NOS3: variants seen among roughly 807,000 people sequenced by gnomAD.
NOS3 encodes NOS type III.
NOS3 carries 98 observed loss-of-function variants against 144.9 expected under a neutral mutation model. The observed-to-expected ratio is 0.68, with a 90% CI of 0.57 to 0.80. NOS3 has a LOEUF of 0.80. Ranked by LOEUF, NOS3 falls within the 30% of genes least tolerant of loss-of-function variation. NOS3 has a pLI of 0.00. For missense variants in NOS3, 1,465 were observed against 1,656.4 expected (o/e 0.88, Z 2.01); for synonymous variants, 714 against 702.4 (o/e 1.02, Z -0.26).
At chr7:151,012,214 T>G (rs1584913599) in intron 23 of NOS3, 137 bp from the exon 24 acceptor site, 164 of 596,464 alleles carry the variant, frequency 2.7e-4, no homozygotes, top group Middle Eastern at 1.1e-3. Flanking sequence ...TAGAGTTGTT[T>G]TTTGTTTTTT....
rs761520214 is a variant in NOS3, at chr7:151,002,159, G to T, written c.1648-41G>T. The T allele has an allele frequency of 2.1e-6, 3 of 1,455,228 alleles. No homozygotes were observed. The highest frequency in any genetic ancestry group is 2.8e-5 in the African/African-American group (2 of 71,750). The allele number at this position is 1,455,228 out of a possible 1,614,324, so 90.1% of individuals were successfully genotyped here. On this transcript the variant is annotated intron_variant, in intron 13 of 26. Transcript: ENST00000297494. This position sits in a 1 kb window ranked among gnomAD's most constrained non-coding sequence, Gnocchi z 4.1. Reference sequence around the variant, plus strand: ...CCAGAGTGAGGAGGGCAGGGCCTCCGGGGGCCACAGCACCCAGGACATCTG... The same window carrying T: ...CCAGAGTGAGGAGGGCAGGGCCTCCTGGGGCCACAGCACCCAGGACATCTG...
chr7:151,009,310 C>T, intron 19 of NOS3, 43 bp downstream of exon 19: 1 of 1,474,580 alleles, frequency 6.8e-7, no homozygotes, highest in Non-Finnish European at 9.4e-7. Context: ...CTGTCCTGAA[C>T]ACCCTGACCC....
At position 150,996,453 on chromosome 7, in the gene NOS3, G is replaced by A. The variant is rs750409788; in HGVS notation, c.320G>A (p.Arg107Gln). Reference protein sequence around the residue: ...RRCLGSLVFPRKLQGRPSPGP... With the variant: ...RRCLGSLVFPQKLQGRPSPGP... ...TGCCTGGGCTCCCTGGTATTTCCAC[G>A]GAAACTACAGGGCCGGCCCTCCCCC... is the stretch of plus-strand genomic sequence containing the variant. Residue 107 changes from arginine to glutamine, a missense_variant, in exon 4 of 27, where the codon CGG becomes CAG. Around this residue, in one of 5 missense-constraint regions of NOS3, gnomAD observed 374 missense variants for 377.0 expected, o/e 0.99. Transcript: ENST00000297494. 1.7e-5 allele frequency: 26 copies of A among 1,570,622 alleles called. 1 individual carries two copies. Among genetic ancestry groups the A allele is most frequent in the East Asian group, 1.4e-4 (6 of 42,882 alleles).
intron 24 of NOS3, 136 bp downstream of exon 24, chr7:151,012,608 C>G: frequency 9.1e-7 from 1 of 1,095,158 alleles, no homozygotes; most frequent in South Asian, 1.6e-5. Context: ...CTCATGAGAC[C>G]AAGGGGAGGG....
In NOS3 at chr7:151,001,568, G is replaced by C. The variant is rs542813855; in HGVS notation, c.1453G>C (p.Ala485Pro). The change falls in exon 12 of 27, where the codon GCC (alanine) becomes CCC (proline). Residue 485 changes from alanine (A) to proline (P), a missense_variant. Around this residue, in one of 5 missense-constraint regions of NOS3, gnomAD observed 745 missense variants for 853.9 expected, o/e 0.87. Coordinates refer to ENST00000297494, the MANE Select transcript of NOS3 (RefSeq NM_000603.5). ...YQPDPWKGSAAKGTGITRKKT... is the reference protein window; with the variant it reads ...YQPDPWKGSAPKGTGITRKKT... Reference sequence around the variant, plus strand: ...GCCAGACCCCTGGAAGGGGAGTGCCGCCAAGGGCACCGGCATCACCAGGAA... The same window carrying C: ...GCCAGACCCCTGGAAGGGGAGTGCCCCCAAGGGCACCGGCATCACCAGGAA... 4 of 1,613,970 alleles carry C rather than the reference G, an allele frequency of 2.5e-6. No homozygotes were observed. In the African/African-American group the frequency reaches 5.3e-5, roughly 22 times the overall value.
intron 24 of NOS3, 94 bp from the exon 25 acceptor site, chr7:151,013,137 T>A: frequency 7.1e-7 from 1 of 1,402,206 alleles, no homozygotes; most frequent in East Asian, 2.3e-5. Context: ...CCCAAAACGC[T>A]GGGCTGCCAG....
chr7:151,010,008 G>T, intron 20 of NOS3, 107 bp from the exon 21 acceptor site: 1 of 736,562 alleles, frequency 1.4e-6, no homozygotes. Flanking sequence ...GGCCGACCCC[G>T]CTGCTCAAGG....
At chr7:150,992,297 G>A (rs2117092612) in intron 1 of NOS3, among the ~76,000 whole-genome samples, 1 of 152,320 alleles carries the variant, frequency 6.6e-6, no homozygotes, top group South Asian at 2.1e-4. Context: ...TAATATGGAA[G>A]CCAGACTTGG....
rs1372442036 is a variant in NOS3 at position 151,003,723 on chromosome 7, A to G, written c.1752+1419A>G. On this transcript the variant is annotated intron_variant, in intron 14 of 26. Transcript: ENST00000297494. This position sits in a 1 kb window ranked among gnomAD's most constrained non-coding sequence, Gnocchi z 4.1. ...TCGCCTGCTCTAGAACGGCACCTAG[A>G]TGGAAGCACGCAGTGTTGCGGCGTC... is the stretch of plus-strand genomic sequence containing the variant. The G allele has an allele frequency of 2.0e-6, 1 of 496,658 alleles. No homozygotes were observed. Among genetic ancestry groups the G allele is most frequent in the African/African-American group, 2.0e-5 (1 of 50,256 alleles). 30.8% of individuals were successfully genotyped at this position (496,658 alleles called of 1,614,324 possible).
rs758853625 is a variant in NOS3 at position 150,996,860 on chromosome 7, G to C, written c.517G>C (p.Gly173Arg). Residue 173 changes from glycine (G) to arginine (R), a missense_variant, in exon 5 of 27, where the codon GGG becomes CGG. Gly to Arg is a moderately radical substitution (Grantham distance 125). Coordinates refer to ENST00000297494, the MANE Select transcript of NOS3 (RefSeq NM_000603.5). ...YQLRESELVF[G>R]AKQAWRNAPR... Reference sequence around the variant, plus strand: ...GCTTAGGGAGAGCGAGCTGGTGTTCGGGGCTAAGCAGGCCTGGCGCAACGC... The same window carrying C: ...GCTTAGGGAGAGCGAGCTGGTGTTCCGGGCTAAGCAGGCCTGGCGCAACGC... The C allele has an allele frequency of 1.9e-6, 3 of 1,597,726 alleles. No homozygotes were observed. Among genetic ancestry groups the C allele is most frequent in the South Asian group, 1.1e-5 (1 of 88,330 alleles).
rs947868648 is a variant in NOS3, at chr7:151,013,491, C to T, written c.3255+112C>T. ...GCCCTCCCGTGGCCTCCCACGACCA[C>T]TCAGCCACCCCTGCACACTCTGGCC... On this transcript the variant is annotated intron_variant, in intron 25 of 26. Transcript: ENST00000297494. 5 of 1,365,296 alleles carry T rather than the reference C, an allele frequency of 3.7e-6. No individual in the cohort carries two copies. The African/African-American group carries it at 4.3e-5, about 12-fold the overall frequency. The allele number at this position is 1,365,296 out of a possible 1,614,324, so 84.6% of individuals were successfully genotyped here. A position where few individuals can be genotyped will look rare whatever the true frequency, so the allele number is the denominator to read the frequency against.
chr7:150,991,910 C>T (rs933914180), intron 1 of NOS3, among the ~76,000 whole-genome samples: 3 of 151,356 alleles, frequency 2.0e-5, no homozygotes, highest in Non-Finnish European at 2.9e-5. Flanking sequence ...TCAGGAGAAT[C>T]GCTTGAACCC....
rs1343971834 is a variant in NOS3 at position 150,998,380 on chromosome 7, G to T, written c.606G>T (p.Arg202Ser). 1 of 1,612,384 alleles carries T rather than the reference G, an allele frequency of 6.2e-7. No homozygotes were observed. The highest frequency in any genetic ancestry group is 8.5e-7 in the Non-Finnish European group (1 of 1,179,860). The stretch of plus-strand genomic sequence containing the variant: ...AGGTGTTCGATGCCCGGGACTGCAG[G>T]TCTGCACAGGAAATGTTCACCTACA... ...KLQVFDARDC[R>S]SAQEMFTYIC... The change falls in exon 6 of 27, where the codon AGG becomes AGT. Residue 202 changes from arginine to serine, a missense_variant. Physicochemically the swap from Arg to Ser is moderately radical, Grantham distance 110. Transcript: ENST00000297494. The surrounding 1 kb of genome is among the most constrained non-coding windows in gnomAD (Gnocchi z 5.0).
chr7:151,012,578 T>A, intron 24 of NOS3, 106 bp downstream of exon 24: 1 of 1,368,300 alleles, frequency 7.3e-7, no homozygotes, highest in Non-Finnish European at 9.9e-7. Flanking sequence ...GGAAACAAAG[T>A]CCACAAAGCT....
intron 20 of NOS3, 152 bp from the exon 21 acceptor site, chr7:151,009,963 G>A: frequency 5.1e-6 from 3 of 591,524 alleles, no homozygotes; most frequent in Non-Finnish European, 6.0e-6. Flanking sequence ...GTCCGGCCAG[G>A]GGCCCCCGAA....
In NOS3 at chr7:151,001,876, G is replaced by A. The variant is rs759971615; in HGVS notation, c.1558G>A (p.Ala520Thr). The A allele has an allele frequency of 1.9e-6, 3 of 1,613,600 alleles. No individual in the cohort carries two copies. Among genetic ancestry groups the A allele is most frequent in the Admixed American group, 1.7e-5 (1 of 60,014 alleles). ...MGTVMAKRVK[A>T]TILYGSETGR... ...CACGGTGATGGCGAAGCGAGTGAAG[G>A]CGACAATCCTGTATGGCTCCGAGAC... Residue 520 changes from alanine to threonine, a missense_variant, in exon 13 of 27, where the codon GCG (alanine) becomes ACG (threonine). Ala to Thr is a moderately conservative substitution (Grantham distance 58). Transcript: ENST00000297494.
rs766207490 is a variant in NOS3 at position 151,008,961 on chromosome 7, A to G, written c.2144A>G (p.Asp715Gly). 2 of 1,610,354 alleles carry G rather than the reference A, an allele frequency of 1.2e-6. No homozygotes were observed. The highest frequency in any genetic ancestry group is 1.7e-5 in the Admixed American group (1 of 59,596). ...AACETFCVGE[D>G]AKAAARDIFS... ...TGTGAGACCTTCTGTGTGGGAGAGG[A>G]TGCCAAGGCCGCCGCCCGAGACATC... Residue 715 changes from aspartate to glycine, a missense_variant, in exon 18 of 27, where the codon GAT becomes GGT. By Grantham distance (94) the Asp-to-Gly change is moderately conservative. Transcript: ENST00000297494.
At chr7:151,006,525 G>C (rs1795208858) in intron 15 of NOS3, 31 bp downstream of exon 15, 1 of 1,564,148 alleles carries the variant, frequency 6.4e-7, no homozygotes, top group East Asian at 2.2e-5. Context: ...GGGGAGCTGG[G>C]GGAGCTGATG....
At chr7:151,013,029 G>C (rs902240802) in intron 24 of NOS3, 1 of 587,458 alleles carries the variant, frequency 1.7e-6, no homozygotes, top group East Asian at 3.1e-5. Flanking sequence ...CCTCACCCGC[G>C]CTTCCCTTCC....
Sources: gnomAD v4.1 joint callset for allele counts (sites outside exome capture counted in the v4.1 genomes callset) on GRCh38, gnomAD v4.1.1 for gene constraint, gnomAD v4.1.1 regional missense constraint, Gnocchi (gnomAD v3.1) non-coding constraint, MANE v1.5 for transcripts, NCBI Gene and HGNC (gene_info 2026-07-23, HGNC 2026-07-21) for gene names.